The following ADAMTSL3 variants were observed in gnomAD, a reference collection of about 807,000 sequenced individuals.
The protein encoded by ADAMTSL3 is ADAMTS like 3, also known as ADAMTS-like protein 3.
ADAMTSL3 carries 128 observed loss-of-function variants against 201.7 expected under a neutral mutation model. The ratio of observed to expected loss-of-function variants is 0.63; its 90% confidence interval spans 0.55 to 0.73. The LOEUF is 0.73. ADAMTSL3 is among the 30% of genes least tolerant of loss of function. ADAMTSL3 has a pLI of 0.00. For missense variants in ADAMTSL3, 1,990 were observed against 2,119.6 expected, an observed-to-expected ratio of 0.94 and a Z score of 1.20; for synonymous variants, 738 against 748.4, an observed-to-expected ratio of 0.99 and a Z score of 0.23.
At chr15:83,891,268 C>G in intron 11 of ADAMTSL3, 61 bp from the exon 12 acceptor site, 1 of 1,326,064 alleles carries the variant, frequency 7.5e-7, no homozygotes, top group East Asian at 2.3e-5. Context: ...TTATATTCGT[C>G]AATTAATGAA....
chr15:83,788,800 CTTTTCTTT>C (rs2063301478), intron 4 of ADAMTSL3, among the ~76,000 whole-genome samples: 1 of 151,806 alleles, frequency 6.6e-6, no homozygotes, highest in Admixed American at 6.6e-5. Context: ...CCTCTATTTT[CTTTTCTTT>C]TTTTCTTTTT....
chr15:83,706,960 C>T (rs762011439), intron 3 of ADAMTSL3, among the ~76,000 whole-genome samples: 40 of 152,112 alleles, frequency 2.6e-4, no homozygotes, highest in Non-Finnish European at 4.4e-4. Context: ...TGAGCCACTG[C>T]GCCTGGCCAA....
At chr15:83,820,321 G>A (rs570418629) in intron 6 of ADAMTSL3, among the ~76,000 whole-genome samples, 3 of 152,076 alleles carry the variant, frequency 2.0e-5, no homozygotes, top group Admixed American at 6.5e-5. Context: ...CAGGTGATTC[G>A]CCTGCCTCAG....
chr15:83,739,123 C>T (rs1314209921), intron 3 of ADAMTSL3, among the ~76,000 whole-genome samples: 1 of 151,722 alleles, frequency 6.6e-6, no homozygotes, highest in Non-Finnish European at 1.5e-5. Context: ...TCTTCATAAA[C>T]ATGTAGACTC....
At chr15:83,825,968 C>G (rs1473305944) in intron 6 of ADAMTSL3, among the ~76,000 whole-genome samples, 1 of 152,112 alleles carries the variant, frequency 6.6e-6, no homozygotes, top group African/African-American at 2.4e-5. Flanking sequence ...TTAGAAAGGT[C>G]ATTTCAGTGG....
At chr15:83,796,881 A>G (rs1347025709) in intron 4 of ADAMTSL3, among the ~76,000 whole-genome samples, 1 of 152,216 alleles carries the variant, frequency 6.6e-6, no homozygotes, top group Non-Finnish European at 1.5e-5. Context: ...GAACATATCA[A>G]TTCATGTAAA....
intron 7 of ADAMTSL3, among the ~76,000 whole-genome samples, 160 bp from the exon 8 acceptor site, chr15:83,858,606 C>G (rs1231802110): frequency 6.6e-6 from 1 of 152,200 alleles, no homozygotes; most frequent in Admixed American, 6.5e-5. Flanking sequence ...CTCCTGACCT[C>G]AAGTGATCTG....
chr15:83,797,708 C>T (rs572676102), intron 4 of ADAMTSL3, among the ~76,000 whole-genome samples: 1 of 152,256 alleles, frequency 6.6e-6, no homozygotes, highest in South Asian at 2.1e-4. Context: ...AAAATAAGAA[C>T]CTTCCTGCAC....
intron 7 of ADAMTSL3, among the ~76,000 whole-genome samples, chr15:83,841,010 A>G (rs560830707): frequency 3.3e-4 from 51 of 152,330 alleles, no homozygotes; most frequent in African/African-American, 1.2e-3. Context: ...ATAATAAGGA[A>G]GAACATAGTG....
chr15:83,860,459 TG>T (rs2141782049), intron 8 of ADAMTSL3, among the ~76,000 whole-genome samples: 1 of 152,344 alleles, frequency 6.6e-6, no homozygotes, highest in Non-Finnish European at 1.5e-5. Flanking sequence ...GATTTCACTC[TG>T]GGAATACACT....
chr15:83,717,382 A>T (rs775651215), intron 3 of ADAMTSL3: 1 of 152,218 alleles, frequency 6.6e-6, no homozygotes, highest in Non-Finnish European at 1.5e-5. Flanking sequence ...ACTGTATGAG[A>T]TATGCCCTGT....
chr15:84,010,297 G>A (rs12443145), intron 23 of ADAMTSL3, among the ~76,000 whole-genome samples: 1,944 of 152,258 alleles, frequency 0.013, 101 homozygotes, highest in Admixed American at 0.099. Context: ...AGCTAGTATA[G>A]CCCTTCTCTA....
At chr15:83,840,643 C>T (rs2064354216) in intron 7 of ADAMTSL3, among the ~76,000 whole-genome samples, 1 of 152,136 alleles carries the variant, frequency 6.6e-6, no homozygotes, top group South Asian at 2.1e-4. Context: ...AAGGAACCAT[C>T]AACAACAGTA....
intron 3 of ADAMTSL3, among the ~76,000 whole-genome samples, chr15:83,758,131 A>G (rs1479107392): frequency 6.6e-6 from 1 of 152,204 alleles, no homozygotes; most frequent in Non-Finnish European, 1.5e-5. Context: ...GTATCTTTAC[A>G]GCAGCACCCC....
intron 22 of ADAMTSL3, among the ~76,000 whole-genome samples, chr15:83,989,745 C>A (rs994568222): frequency 7.9e-5 from 12 of 152,242 alleles, no homozygotes; most frequent in Non-Finnish European, 1.6e-4. Context: ...AATCTGGCAA[C>A]TAAATATCAA....
chr15:83,739,348 A>G (rs1012046918), intron 3 of ADAMTSL3, among the ~76,000 whole-genome samples: 1 of 151,082 alleles, frequency 6.6e-6, no homozygotes, highest in African/African-American at 2.4e-5. Context: ...CAGGTTGAGC[A>G]CCCTGAAACT....
chr15:83,897,092 G>T (rs1162587909), intron 13 of ADAMTSL3, among the ~76,000 whole-genome samples: 2 of 152,116 alleles, frequency 1.3e-5, no homozygotes, highest in Non-Finnish European at 2.9e-5. Context: ...TTCAAGATGA[G>T]ATTTGGGTGG....
intron 19 of ADAMTSL3, among the ~76,000 whole-genome samples, chr15:83,943,795 A>G (rs2066606826): frequency 6.6e-6 from 1 of 152,180 alleles, no homozygotes; most frequent in South Asian, 2.1e-4. Flanking sequence ...AACATCCCAT[A>G]GTGTTCCCAT....
chr15:83,693,749 T>C (rs1331659097), intron 2 of ADAMTSL3, among the ~76,000 whole-genome samples: 1 of 152,180 alleles, frequency 6.6e-6, no homozygotes, highest in Admixed American at 6.5e-5. Flanking sequence ...TTCCCCAAGT[T>C]AGAATATGAG....
Sources: allele counts gnomAD v4.1 joint callset (sites outside exome capture counted in the v4.1 genomes callset), GRCh38; gene constraint gnomAD v4.1.1; transcripts MANE v1.5; gene names NCBI Gene and HGNC (gene_info 2026-07-23, HGNC 2026-07-21).